The following LSM1 variants were observed in gnomAD, a reference collection of about 807,000 sequenced individuals.
LSM1 encodes LSM1 homolog, mRNA degradation associated.
LSM1 carries 13 observed loss-of-function variants against 18.0 expected under a neutral mutation model. The observed-to-expected ratio is 0.72, with a 90% confidence interval of 0.47 to 1.15. The LOEUF (loss-of-function observed/expected upper bound fraction) is 1.15, where lower values mean the gene tolerates loss of function less well. Among genes scored for constraint, LSM1 ranks in the 50% most tolerant of loss-of-function variants. The probability of loss-of-function intolerance (pLI) is 0.00; values close to 1 mark genes in which losing one functional copy is unlikely to be tolerated. For missense variants in LSM1, 152 were observed against 157.7 expected, an observed-to-expected ratio of 0.96 and a Z score of 0.19; for synonymous variants, 46 against 56.0, an observed-to-expected ratio of 0.82 and a Z score of 0.80.
intron 1 of LSM1, among the ~76,000 whole-genome samples, chr8:38,175,038 A>G (rs1028578023): frequency 6.6e-6 from 1 of 151,016 alleles, no homozygotes; most frequent in African/African-American, 2.4e-5. Flanking sequence ...AAAAAAAAAA[A>G]AAAAAAGAAA....
Position 38,169,894 on chromosome 8 carries a change from C to T in LSM1, c.139G>A (p.Val47Met). ...QFANLVLHQT[V>M]ERIHVGKKYG... ...TTTTTGCCCACATGAATACGCTCCA[C>T]AGTCTGATGTAGCACTAAGTTTGCT... The change falls in exon 3 of 4, where the codon GTG (valine) becomes ATG (methionine). Residue 47 changes from valine (V) to methionine (M), a missense_variant. Val to Met is a conservative substitution (Grantham distance 21). Coordinates refer to ENST00000311351, the MANE Select transcript of LSM1 (RefSeq NM_014462.3). 3 of 1,611,808 alleles carry T rather than the reference C, an allele frequency of 1.9e-6. No homozygotes were observed. The highest frequency in any genetic ancestry group is 2.5e-6 in the Non-Finnish European group (3 of 1,178,026).
intron 1 of LSM1, among the ~76,000 whole-genome samples, chr8:38,174,457 G>C (rs1181121642): frequency 6.6e-6 from 1 of 152,088 alleles, no homozygotes; most frequent in Non-Finnish European, 1.5e-5. Context: ...GGAGCAAAGG[G>C]TGCATATCAA....
At chr8:38,171,900 C>T (rs1299981326) in intron 2 of LSM1, 65 bp downstream of exon 2, 8 of 1,251,652 alleles carry the variant, frequency 6.4e-6, no homozygotes, top group Non-Finnish European at 8.0e-6. Context: ...TATTAAATAA[C>T]AAAAAATGCA....
chr8:38,171,038 TTTAAC>T (rs1243202221), intron 2 of LSM1: 4 of 425,980 alleles, frequency 9.4e-6, no homozygotes, highest in Non-Finnish European at 1.9e-5. Context: ...AACATAATCT[TTTAAC>T]TTAAGAAAAA....
chr8:38,175,627 T>C (rs1803120301), intron 1 of LSM1, among the ~76,000 whole-genome samples: 1 of 150,176 alleles, frequency 6.7e-6, no homozygotes. Flanking sequence ...AAACCAGGAA[T>C]AAGGGAGGTC....
chr8:38,171,528 G>C (rs1243211446), intron 2 of LSM1, among the ~76,000 whole-genome samples: 1 of 152,170 alleles, frequency 6.6e-6, no homozygotes, highest in Non-Finnish European at 1.5e-5. Flanking sequence ...TTAGCTGGGG[G>C]TGGTGGCTGG....
At chr8:38,164,563 C>A (rs1417580209) in intron 3 of LSM1, among the ~76,000 whole-genome samples, 1 of 149,728 alleles carries the variant, frequency 6.7e-6, no homozygotes, top group Admixed American at 6.7e-5. Context: ...GGCTCACAGT[C>A]GTAATCCCAG....
At chr8:38,175,098 TGAGA>T (rs1803104815) in intron 1 of LSM1, among the ~76,000 whole-genome samples, 1 of 148,680 alleles carries the variant, frequency 6.7e-6, no homozygotes, top group African/African-American at 2.5e-5. Context: ...TTTTTTTTTT[TGAGA>T]CGGAGTCTTG....
At chr8:38,168,383 GA>G (rs1265336208) in intron 3 of LSM1, among the ~76,000 whole-genome samples, 1 of 151,220 alleles carries the variant, frequency 6.6e-6, no homozygotes, top group Non-Finnish European at 1.5e-5. Flanking sequence ...CTGAGGTCAG[GA>G]GTTCGAGACC....
intron 1 of LSM1, among the ~76,000 whole-genome samples, chr8:38,172,749 T>C (rs1563275786): frequency 1.3e-5 from 2 of 152,224 alleles, no homozygotes; most frequent in African/African-American, 4.8e-5. Flanking sequence ...AAAGATGAGC[T>C]TCTATCTCAC....
At chr8:38,169,665 C>T in intron 3 of LSM1, 137 bp downstream of exon 3, 1 of 555,862 alleles carries the variant, frequency 1.8e-6, no homozygotes, top group South Asian at 2.6e-5. Context: ...TGTAGCTTCC[C>T]TAAATTAATT....
Position 38,176,405 on chromosome 8 carries a change from C to T in LSM1, c.-85G>A, listed in dbSNP as rs1465508877. 5 of 1,110,758 alleles carry T rather than the reference C, an allele frequency of 4.5e-6. No individual in the cohort carries two copies. Among genetic ancestry groups the T allele is most frequent in the African/African-American group, 3.1e-5 (2 of 65,554 alleles). 68.8% of individuals were successfully genotyped at this position (1,110,758 alleles called of 1,614,324 possible). A position where few individuals can be genotyped will look rare whatever the true frequency, so the allele number is the denominator to read the frequency against. On this transcript the variant is annotated 5_prime_UTR_variant, in exon 1 of 4. Transcript: ENST00000311351. ...TTCCCTCCTACCGCAGTCGCCGCCT[C>T]GGTGGGACCAAGCCCGGAATCCCGA...
At position 38,173,454 on chromosome 8, in the gene LSM1, G is replaced by A. The variant is rs143680362; in HGVS notation, c.47-1421C>T. Among the ~76,000 whole-genome samples, 821 of 152,180 alleles carry A rather than the reference G, an allele frequency of 5.4e-3. 31 individuals carry two copies. The highest frequency in any genetic ancestry group is 0.045 in the Admixed American group (694 of 15,260). On this transcript the variant is annotated intron_variant, in intron 1 of 3. Transcript: ENST00000311351. ...ATCCATGTTTAGCTAAAAGCTGAGG[G>A]TGTGAAGGGAAAGAACAGTAGATAA...
At position 38,176,345 on chromosome 8, in the gene LSM1, G is replaced by A. The variant is rs1346927191; in HGVS notation, c.-25C>T. The A allele has an allele frequency of 5.6e-6, 9 of 1,602,380 alleles. No individual in the cohort carries two copies. The East Asian group carries it at 2.0e-4, about 36-fold the overall frequency. ...TTTTGAACTGAAATAATGCTGCAATGCACAGCGGCGGGAGGCCAGCGCGTC... is the reference window on the plus strand; with the variant it reads ...TTTTGAACTGAAATAATGCTGCAATACACAGCGGCGGGAGGCCAGCGCGTC... On this transcript the variant is annotated 5_prime_UTR_variant, in exon 1 of 4. Transcript: ENST00000311351.
Position 38,169,932 on chromosome 8 carries a change from G to A in LSM1, c.116-15C>T, listed in dbSNP as rs2130643570. 3 of 1,405,580 alleles carry A rather than the reference G, an allele frequency of 2.1e-6. No individual in the cohort carries two copies. Among genetic ancestry groups the A allele is most frequent in the Non-Finnish European group, 3.0e-6 (3 of 993,786 alleles). 87.1% of individuals were successfully genotyped at this position (1,405,580 alleles called of 1,614,324 possible). ...CACTAAGTTTGCTGTAAGTGTATAG[G>A]GAAAAACCAAAGATATTTAGTTTAA... On this transcript the variant is annotated splice_polypyrimidine_tract_variant and intron_variant, in intron 2 of 3. Coordinates refer to ENST00000311351, the MANE Select transcript of LSM1 (RefSeq NM_014462.3).
chr8:38,169,511 A>G (rs1437678893), intron 3 of LSM1, among the ~76,000 whole-genome samples: 1 of 152,208 alleles, frequency 6.6e-6, no homozygotes, highest in African/African-American at 2.4e-5. Context: ...ACTTGTAACC[A>G]ATTGTTTAAA....
intron 3 of LSM1, among the ~76,000 whole-genome samples, chr8:38,168,333 G>A (rs939300511): frequency 2.0e-5 from 3 of 149,418 alleles, no homozygotes; most frequent in Non-Finnish European, 4.4e-5. Context: ...GCTCATGCCT[G>A]TAATCCCAGC....
intron 3 of LSM1, among the ~76,000 whole-genome samples, chr8:38,168,929 T>G (rs990872716): frequency 6.6e-6 from 1 of 152,092 alleles, no homozygotes; most frequent in South Asian, 2.1e-4. Context: ...CTGTTAAAAA[T>G]GGCTACAAAC....
At chr8:38,163,955 G>T in intron 3 of LSM1, 115 bp from the exon 4 acceptor site, 1 of 894,874 alleles carries the variant, frequency 1.1e-6, no homozygotes, top group Non-Finnish European at 1.7e-6. Flanking sequence ...ACTGTGACAG[G>T]AACTGAAATA....
Sources: gnomAD v4.1 joint callset for allele counts (sites outside exome capture counted in the v4.1 genomes callset) on GRCh38, gnomAD v4.1.1 for gene constraint, MANE v1.5 for transcripts, NCBI Gene and HGNC (gene_info 2026-07-23, HGNC 2026-07-21) for gene names.